GPR161: variants seen among roughly 807,000 people sequenced by gnomAD.
The protein encoded by GPR161 is G protein-coupled receptor 161.
A neutral mutation model predicts 39.2 loss-of-function variants in GPR161; 25 were observed. The ratio of observed to expected loss-of-function variants is 0.64; its 90% confidence interval spans 0.47 to 0.89. The LOEUF is 0.89. GPR161 is among the 40% of genes least tolerant of loss of function. The pLI is 0.00. For synonymous variants in GPR161, 286 were observed against 276.6 expected, an observed-to-expected ratio of 1.03 and a Z score of -0.34; for missense variants, 547 against 677.8, an observed-to-expected ratio of 0.81 and a Z score of 2.14.
intron 5 of GPR161, among the ~76,000 whole-genome samples, chr1:168,087,105 T>C (rs1348714022): frequency 1.3e-5 from 2 of 151,656 alleles, no homozygotes; most frequent in African/African-American, 2.4e-5. Flanking sequence ...AGTAGAAAAA[T>C]GTAGGGATTG....
chr1:168,099,895 C>T (rs1249003133), intron 2 of GPR161, among the ~76,000 whole-genome samples: 2 of 151,092 alleles, frequency 1.3e-5, no homozygotes, highest in Non-Finnish European at 2.9e-5. Context: ...GCATCTACAC[C>T]TCTATCAAGA....
chr1:168,115,779 T>A (rs532118874), intron 1 of GPR161, among the ~76,000 whole-genome samples: 44 of 139,214 alleles, frequency 3.2e-4, no homozygotes, highest in African/African-American at 5.9e-4. Flanking sequence ...CCAGAGAAAA[T>A]TTTTTTTTTT....
At chr1:168,089,731 T>C (rs979400035) in intron 4 of GPR161, among the ~76,000 whole-genome samples, 1 of 54,476 alleles carries the variant, frequency 1.8e-5, no homozygotes, top group Non-Finnish European at 3.2e-5. Context: ...GAGCCATGAG[T>C]GTGACTCCCT....
chr1:168,136,964 C>T, upstream of GPR161: 5 of 944,314 alleles, frequency 5.3e-6, no homozygotes, highest in Non-Finnish European at 6.2e-6. Flanking sequence ...CCCCGCCCCC[C>T]CCACGCCCGG....
intron 3 of GPR161, among the ~76,000 whole-genome samples, chr1:168,092,035 A>T (rs1269563640): frequency 5.9e-5 from 9 of 152,174 alleles, no homozygotes; most frequent in African/African-American, 1.9e-4. Flanking sequence ...CAAGGAGGAC[A>T]TGGTGTGGGA....
Position 168,085,669 on chromosome 1 carries a change from C to T in GPR161, c.1452G>A (p.Leu484=). Residue 484 remains leucine (L), a synonymous_variant, in exon 6 of 6, where the codon TTG becomes TTA. Transcript: ENST00000682931. ...AKINLFGEEA[L]PGVLVTARTV... ...TCCGTGCTGTAACCAAGACCCCTGG[C>T]AAAGCCTCCTCCCCAAATAAGTTGA... 2 of 1,614,252 alleles carry T rather than the reference C, an allele frequency of 1.2e-6. No individual in the cohort carries two copies. Among genetic ancestry groups the T allele is most frequent in the Non-Finnish European group, 1.7e-6 (2 of 1,180,046 alleles).
chr1:168,137,373 T>C, upstream of GPR161: 2 of 1,535,994 alleles, frequency 1.3e-6, no homozygotes, highest in Non-Finnish European at 1.7e-6. Context: ...GATCCTGGTA[T>C]CGCCTTTGCT....
intron 1 of GPR161, among the ~76,000 whole-genome samples, chr1:168,109,575 G>A (rs1421922025): frequency 1.3e-5 from 2 of 152,200 alleles, no homozygotes; most frequent in Non-Finnish European, 2.9e-5. Flanking sequence ...TAGGAAAGTG[G>A]CAAAAATATA....
rs1045204353 is a variant in GPR161, at chr1:168,119,257, C to T, written c.-44-14363G>A. 3.2e-3 allele frequency among the ~76,000 whole-genome samples: 311 copies of T among 96,932 alleles called. 11 individuals are homozygous for T. The Middle Eastern group carries it at 0.043, about 13-fold the overall frequency. 63.6% of individuals were successfully genotyped at this position (96,932 alleles called of 152,430 possible). A position where few individuals can be genotyped will look rare whatever the true frequency, so the allele number is the denominator to read the frequency against. On this transcript the variant is annotated intron_variant, in intron 1 of 5. Coordinates refer to ENST00000682931, the MANE Select transcript of GPR161 (RefSeq NM_001375883.1). ...ATATATATATACACATATATATATA[C>T]GTATATATATGTGTATATATATATA...
chr1:168,131,550 A>T (rs113101086), intron 1 of GPR161, among the ~76,000 whole-genome samples: 1 of 152,222 alleles, frequency 6.6e-6, no homozygotes, highest in African/African-American at 2.4e-5. Flanking sequence ...TAAAGTGACA[A>T]GGAGGGAAAA....
chr1:168,109,858 T>C (rs1310062299), intron 1 of GPR161, among the ~76,000 whole-genome samples: 1 of 152,008 alleles, frequency 6.6e-6, no homozygotes, highest in African/African-American at 2.4e-5. Flanking sequence ...TCCCAGCTAC[T>C]GGAGAGGCCG....
intron 1 of GPR161, among the ~76,000 whole-genome samples, chr1:168,121,661 C>T (rs16828104): frequency 0.25 from 38,606 of 152,150 alleles, 5,792 homozygotes; most frequent in African/African-American, 0.42. Flanking sequence ...GGGGTCCACA[C>T]AGCTTTCTGT....
chr1:168,099,776 CA>C (rs1450853643), intron 2 of GPR161, among the ~76,000 whole-genome samples: 2 of 149,348 alleles, frequency 1.3e-5, no homozygotes, highest in African/African-American at 5.0e-5. Context: ...CCCACAGGCA[CA>C]GCCCTGCCCA....
chr1:168,090,570 C>T lies in GPR161; in HGVS notation c.1198G>A (p.Asp400Asn), dbSNP rs1357045798. The change falls in exon 4 of 6, where the codon GAC (aspartate) becomes AAC (asparagine). Residue 400 changes from aspartate (D) to asparagine (N), a missense_variant. Physicochemically the swap from Asp to Asn is conservative, Grantham distance 23 (BLOSUM62 1). Transcript: ENST00000682931. Reference protein sequence around the residue: ...TGDTGFSCSQDSGTDMMLLED... With the variant: ...TGDTGFSCSQNSGTDMMLLED... Reference sequence around the variant, plus strand: ...TATAAAGCACGCAGGTTACCTGAGTCCTGGGAGCAGCTGAAGCCAGTGTCC... The same window carrying T: ...TATAAAGCACGCAGGTTACCTGAGTTCTGGGAGCAGCTGAAGCCAGTGTCC... The T allele has an allele frequency of 6.3e-7, 1 of 1,591,220 alleles. No homozygotes were observed. The highest frequency in any genetic ancestry group is 8.6e-7 in the Non-Finnish European group (1 of 1,159,308).
At chr1:168,100,964 C>A (rs1427189586) in intron 2 of GPR161, among the ~76,000 whole-genome samples, 3 of 152,188 alleles carry the variant, frequency 2.0e-5, no homozygotes, top group Non-Finnish European at 4.4e-5. Flanking sequence ...GTGTCCCCAG[C>A]ACGCCCTACT....
chr1:168,119,209 TGTATAC>T (rs1403914038), intron 1 of GPR161, among the ~76,000 whole-genome samples: 107 of 117,174 alleles, frequency 9.1e-4, no homozygotes, highest in African/African-American at 4.2e-3. Flanking sequence ...TATATATATA[TGTATAC>T]ATATATATAT....
chr1:168,137,304 C>G, upstream of GPR161: 1 of 1,530,164 alleles, frequency 6.5e-7, no homozygotes, highest in Non-Finnish European at 8.7e-7. Flanking sequence ...CAGACACTTT[C>G]AGATTCTTCC....
At chr1:168,126,517 T>G (rs1698605022) in intron 1 of GPR161, among the ~76,000 whole-genome samples, 1 of 152,178 alleles carries the variant, frequency 6.6e-6, no homozygotes, top group Non-Finnish European at 1.5e-5. Flanking sequence ...AGTGGCGTGA[T>G]CACAGCCCAC....
intron 2 of GPR161, among the ~76,000 whole-genome samples, chr1:168,102,092 C>G (rs1696159892): frequency 6.6e-6 from 1 of 152,174 alleles, no homozygotes; most frequent in Non-Finnish European, 1.5e-5. Flanking sequence ...CGTGAGCCAC[C>G]ACGCTCGGCC....
Sources: gnomAD v4.1 joint callset for allele counts (sites outside exome capture counted in the v4.1 genomes callset) on GRCh38, gnomAD v4.1.1 for gene constraint, MANE v1.5 for transcripts, NCBI Gene and HGNC (gene_info 2026-07-23, HGNC 2026-07-21) for gene names.